Variants in GABRG3 observed in about 807,000 individuals in gnomAD.
GABRG3 encodes the protein gamma-aminobutyric acid type A receptor subunit gamma3.
GABRG3 carries 25 observed loss-of-function variants against 48.8 expected under a neutral mutation model. The ratio of observed to expected loss-of-function variants is 0.51; its 90% CI spans 0.37 to 0.72. The LOEUF is 0.72. Ranked by LOEUF, GABRG3 falls within the 30% of genes least tolerant of loss-of-function variation. The pLI is 0.00. For missense variants in GABRG3, 394 were observed against 577.9 expected, an observed-to-expected ratio of 0.68 and a Z score of 3.26; for synonymous variants, 227 against 217.6, an observed-to-expected ratio of 1.04 and a Z score of -0.38.
intron 3 of GABRG3, among the ~76,000 whole-genome samples, chr15:27,046,623 C>T (rs1052311319): frequency 1.3e-5 from 2 of 152,236 alleles, no homozygotes; most frequent in African/African-American, 4.8e-5. Context: ...CTTCCCACTT[C>T]TGTTGCTCTG....
chr15:27,514,736 TA>T (rs1170661150), intron 6 of GABRG3, among the ~76,000 whole-genome samples: 1 of 152,214 alleles, frequency 6.6e-6, no homozygotes, highest in African/African-American at 2.4e-5. Flanking sequence ...CTGCCACAGT[TA>T]TGCTGATTAA....
chr15:27,474,896 C>G (rs4778143), intron 5 of GABRG3, among the ~76,000 whole-genome samples: 9,954 of 152,020 alleles, frequency 0.065, 496 homozygotes, highest in Non-Finnish European at 0.1. Flanking sequence ...CTTTGGGAGG[C>G]TGAGGCAGGC....
At chr15:27,038,292 G>A (rs144651622) in intron 3 of GABRG3, among the ~76,000 whole-genome samples, 150 of 152,278 alleles carry the variant, frequency 9.9e-4, no homozygotes, top group African/African-American at 3.2e-3. Context: ...GGTACTTTCT[G>A]TGTGTCGTCA....
Position 27,520,042 on chromosome 15 carries a change from C to T in GABRG3, c.783C>T (p.Tyr261=), listed in dbSNP as rs1595807881. 1.3e-6 allele frequency: 2 copies of T among 1,595,984 alleles called. No individual in the cohort carries two copies. The highest frequency in any genetic ancestry group is 8.6e-7 in the Non-Finnish European group (1 of 1,169,506). Residue 261 remains tyrosine, a synonymous_variant, in exon 7 of 10, where the codon TAC becomes TAT. Coordinates refer to ENST00000615808, the MANE Select transcript of GABRG3 (RefSeq NM_033223.5). The part of the protein sequence containing the change: ...RRMGYFTIQT[Y]IPCILTVVLS... Reference sequence around the variant, plus strand: ...TGGGATACTTCACCATTCAGACATACATTCCCTGTATACTGACTGTGGTTT... The same window carrying T: ...TGGGATACTTCACCATTCAGACATATATTCCCTGTATACTGACTGTGGTTT...
chr15:27,010,894 G>A (rs1301507591), intron 2 of GABRG3, among the ~76,000 whole-genome samples: 1 of 152,132 alleles, frequency 6.6e-6, no homozygotes, highest in Non-Finnish European at 1.5e-5. Flanking sequence ...CGCCCAGGGT[G>A]GAGTGCAATG....
intron 2 of GABRG3, among the ~76,000 whole-genome samples, chr15:27,025,879 G>A (rs960416650): frequency 1.3e-5 from 2 of 152,154 alleles, no homozygotes; most frequent in East Asian, 1.9e-4. Flanking sequence ...TTGGCTCTGC[G>A]TCATCCTTTG....
At chr15:27,048,295 C>T (rs1206112141) in intron 3 of GABRG3, among the ~76,000 whole-genome samples, 1 of 150,916 alleles carries the variant, frequency 6.6e-6, no homozygotes, top group Non-Finnish European at 1.5e-5. Flanking sequence ...TGCCAGCCCA[C>T]CCTCTGATCC....
intron 3 of GABRG3, among the ~76,000 whole-genome samples, chr15:27,224,264 T>C (rs576835667): frequency 2.0e-5 from 3 of 152,342 alleles, no homozygotes; most frequent in African/African-American, 7.2e-5. Flanking sequence ...GAAAAGATCA[T>C]GTTTTCACCA....
At chr15:27,266,602 G>A (rs1020088566) in intron 3 of GABRG3, among the ~76,000 whole-genome samples, 2 of 152,178 alleles carry the variant, frequency 1.3e-5, no homozygotes, top group African/African-American at 4.8e-5. Context: ...GATTAGGAAT[G>A]CATCAAATCT....
intron 5 of GABRG3, among the ~76,000 whole-genome samples, chr15:27,384,043 T>C (rs1895853506): frequency 6.6e-6 from 1 of 152,226 alleles, no homozygotes. Context: ...ATAGATTTCT[T>C]CTGCTATTTT....
At chr15:27,390,731 T>C (rs1896195958) in intron 5 of GABRG3, among the ~76,000 whole-genome samples, 1 of 152,148 alleles carries the variant, frequency 6.6e-6, no homozygotes, top group Non-Finnish European at 1.5e-5. Context: ...ATATCAGGGC[T>C]TTAGGGTCTG....
intron 3 of GABRG3, among the ~76,000 whole-genome samples, chr15:27,051,107 A>G (rs1225666815): frequency 1.3e-5 from 2 of 152,254 alleles, no homozygotes; most frequent in African/African-American, 2.4e-5. Context: ...TTAGATGACC[A>G]TAGTGCAGTT....
intron 5 of GABRG3, among the ~76,000 whole-genome samples, chr15:27,373,129 T>C (rs1895469571): frequency 6.6e-6 from 1 of 152,188 alleles, no homozygotes; most frequent in Non-Finnish European, 1.5e-5. Flanking sequence ...TTTAGGATGC[T>C]TGGGCTCCAA....
chr15:27,308,730 A>G (rs566815371), intron 3 of GABRG3, among the ~76,000 whole-genome samples: 147 of 149,606 alleles, frequency 9.8e-4, no homozygotes, highest in Non-Finnish European at 1.7e-3. Context: ...ACATAATGTA[A>G]ACATACGTTT....
At chr15:27,311,671 A>G (rs144995576) in intron 3 of GABRG3, among the ~76,000 whole-genome samples, 112 of 152,244 alleles carry the variant, frequency 7.4e-4, no homozygotes, top group African/African-American at 2.3e-3. Flanking sequence ...AGGGAATCCA[A>G]TGATTCAACT....
intron 3 of GABRG3, among the ~76,000 whole-genome samples, chr15:27,224,150 C>T (rs1388743908): frequency 6.6e-6 from 1 of 152,166 alleles, no homozygotes. Flanking sequence ...CCCTGCATGG[C>T]GGTGAGGGCC....
chr15:27,283,295 T>C (rs953737443), intron 3 of GABRG3, among the ~76,000 whole-genome samples: 1 of 152,156 alleles, frequency 6.6e-6, no homozygotes, highest in Admixed American at 6.5e-5. Context: ...TGGAGTAGGA[T>C]GTCTACTAGA....
chr15:27,463,125 A>G (rs1042892398), intron 5 of GABRG3, among the ~76,000 whole-genome samples: 5 of 152,218 alleles, frequency 3.3e-5, no homozygotes, highest in African/African-American at 4.8e-5. Flanking sequence ...GCTTGATTCA[A>G]AATTAATACA....
chr15:27,511,375 G>A (rs1890891572), intron 6 of GABRG3, among the ~76,000 whole-genome samples: 1 of 152,172 alleles, frequency 6.6e-6, no homozygotes, highest in Admixed American at 6.5e-5. Context: ...ATAGCGAAAG[G>A]GAGGTGTTGG....
Sources: allele counts gnomAD v4.1 joint callset (sites outside exome capture counted in the v4.1 genomes callset), GRCh38; gene constraint gnomAD v4.1.1; transcripts MANE v1.5; gene names NCBI Gene and HGNC (gene_info 2026-07-23, HGNC 2026-07-21).